Variants in ATP6V1H observed in about 807,000 individuals in gnomAD.
ATP6V1H encodes the protein V-type proton ATPase subunit H.
Under a neutral mutation model 71.7 loss-of-function variants are expected in ATP6V1H, and 39 were observed. The ratio of observed to expected loss-of-function variants is 0.54; its 90% CI spans 0.42 to 0.71. The LOEUF is 0.71. Ranked by LOEUF, ATP6V1H falls within the 30% of genes least tolerant of loss-of-function variation. ATP6V1H has a pLI of 0.00. For synonymous variants in ATP6V1H, 192 were observed against 199.3 expected (o/e 0.96, Z 0.31); for missense variants, 509 against 594.9 (o/e 0.86, Z 1.50).
chr8:53,829,414 C>T, intron 4 of ATP6V1H, 30 bp downstream of exon 4: 2 of 1,498,328 alleles, frequency 1.3e-6, no homozygotes, highest in Non-Finnish European at 1.8e-6. Flanking sequence ...AATGAAGTCA[C>T]CAAATGTGTT....
chr8:53,795,527 G>T, intron 9 of ATP6V1H, 120 bp downstream of exon 9: 2 of 877,584 alleles, frequency 2.3e-6, no homozygotes, highest in Non-Finnish European at 3.6e-6. Flanking sequence ...TATTCACCAA[G>T]ACTCTATGGT....
chr8:53,771,842 T>C, intron 10 of ATP6V1H, 147 bp downstream of exon 10: 1 of 664,984 alleles, frequency 1.5e-6, no homozygotes, highest in South Asian at 2.0e-5. Flanking sequence ...CATGTCAGAA[T>C]GATGTCTTCT....
In ATP6V1H at chr8:53,833,091, A is replaced by C. The variant is rs1335969893; in HGVS notation, c.114-5T>G. On this transcript the variant is annotated splice_region_variant and splice_polypyrimidine_tract_variant and intron_variant, in intron 2 of 13. Coordinates refer to ENST00000359530, the MANE Select transcript of ATP6V1H (RefSeq NM_015941.4). ...TCAGCAGAAATCATCTGTCCCCTAG[A>C]AAGTAAGAATAAGATGTTTTGTTCA... 2 of 1,607,264 alleles carry C rather than the reference A, an allele frequency of 1.2e-6. No individual in the cohort carries two copies. The highest frequency in any genetic ancestry group is 1.7e-6 in the Non-Finnish European group (2 of 1,174,804).
chr8:53,782,459 T>C (rs1466870581), intron 9 of ATP6V1H, among the ~76,000 whole-genome samples: 1 of 151,902 alleles, frequency 6.6e-6, no homozygotes, highest in Admixed American at 6.6e-5. Flanking sequence ...AATGGGGTTT[T>C]CTAGATATAC....
chr8:53,825,950 G>A (rs1810812449), intron 4 of ATP6V1H, among the ~76,000 whole-genome samples: 1 of 151,938 alleles, frequency 6.6e-6, no homozygotes, highest in Admixed American at 6.6e-5. Flanking sequence ...AATGTTATAA[G>A]CTAAGACAAA....
intron 12 of ATP6V1H, 90 bp downstream of exon 12, chr8:53,756,465 C>T (rs111820585): frequency 2.2e-6 from 2 of 904,384 alleles, no homozygotes; most frequent in Admixed American, 2.5e-5. Context: ...AGTTCCTTTG[C>T]TAACCTACTC....
chr8:53,730,252 T>G (rs970186382), intron 13 of ATP6V1H, among the ~76,000 whole-genome samples: 3 of 152,236 alleles, frequency 2.0e-5, no homozygotes, highest in African/African-American at 7.2e-5. Context: ...ACATGTCTCC[T>G]TATATTTAAG....
At chr8:53,762,025 A>T (rs1808288650) in intron 11 of ATP6V1H, among the ~76,000 whole-genome samples, 1 of 152,244 alleles carries the variant, frequency 6.6e-6, no homozygotes, top group Non-Finnish European at 1.5e-5. Flanking sequence ...CGGTATTTTT[A>T]GATACCAGAC....
chr8:53,761,253 C>T (rs570771021), intron 11 of ATP6V1H, among the ~76,000 whole-genome samples: 3 of 151,820 alleles, frequency 2.0e-5, no homozygotes, highest in South Asian at 2.1e-4. Context: ...AGGAGAATGG[C>T]GTGAACCCAG....
In ATP6V1H at chr8:53,742,146, T is replaced by A. The variant is rs192748011; in HGVS notation, c.1391+1431A>T. On this transcript the variant is annotated intron_variant, in intron 13 of 13. Transcript: ENST00000359530. ...TGCCTACCTCTCCTGAACCATGTTT[T>A]TCCCCTCGTACCATCCTTCATGTCA... Among the ~76,000 whole-genome samples the A allele has an allele frequency of 2.5e-3, 388 of 152,322 alleles. 1 individual carries two copies. The highest frequency in any genetic ancestry group is 4.4e-3 in the Non-Finnish European group (300 of 68,020).
At chr8:53,744,312 C>T (rs1807520409) in intron 12 of ATP6V1H, among the ~76,000 whole-genome samples, 1 of 152,106 alleles carries the variant, frequency 6.6e-6, no homozygotes, top group South Asian at 2.1e-4. Context: ...ACCGACACTG[C>T]TTTCTATCAC....
intron 13 of ATP6V1H, among the ~76,000 whole-genome samples, chr8:53,729,214 C>A (rs1273980326): frequency 6.6e-6 from 1 of 151,874 alleles, no homozygotes; most frequent in East Asian, 1.9e-4. Flanking sequence ...TTAAGTTATA[C>A]TTTTTGTCTT....
chr8:53,783,025 A>T (rs1809223262), intron 9 of ATP6V1H, among the ~76,000 whole-genome samples: 1 of 152,126 alleles, frequency 6.6e-6, no homozygotes, highest in African/African-American at 2.4e-5. Flanking sequence ...TGTCTCTGCC[A>T]GGCTTTGGTA....
At chr8:53,819,630 G>A (rs1221584767) in intron 4 of ATP6V1H, among the ~76,000 whole-genome samples, 2 of 66,188 alleles carry the variant, frequency 3.0e-5, no homozygotes, top group Non-Finnish European at 5.0e-5. Context: ...ATATACATAT[G>A]TATATACAAA....
chr8:53,825,312 C>T lies in ATP6V1H; in HGVS notation c.306+4132G>A, dbSNP rs117188267. ...TCAGCCTCCCAAGGTGCTAGGATTA[C>T]AGGCATGAGCTACTGCCAGGCCTTG... On this transcript the variant is annotated intron_variant, in intron 4 of 13. Coordinates refer to ENST00000359530, the MANE Select transcript of ATP6V1H (RefSeq NM_015941.4). Among the ~76,000 whole-genome samples, 608 of 152,144 alleles carry T rather than the reference C, an allele frequency of 4.0e-3. 4 individuals carry two copies. Among genetic ancestry groups the T allele is most frequent in the Middle Eastern group, 6.8e-3 (2 of 294 alleles).
intron 11 of ATP6V1H, among the ~76,000 whole-genome samples, chr8:53,763,257 A>C (rs988393462): frequency 6.6e-6 from 1 of 152,242 alleles, no homozygotes; most frequent in African/African-American, 2.4e-5. Context: ...CAAAGGTTTC[A>C]TAAGTTCAAT....
In ATP6V1H at chr8:53,829,499, A is replaced by G; in HGVS notation, c.251T>C (p.Ile84Thr). ...ATACTGAACGGTCTGTTCTTTGCAG[A>G]TATGAGTCATCAGATTTATAAATGT... ...AKTFINLMTH[I>T]CKEQTVQYIL... The change falls in exon 4 of 14, where the codon ATC (isoleucine) becomes ACC (threonine). Residue 84 changes from isoleucine to threonine, a missense_variant. Around this residue, in one of 2 missense-constraint regions of ATP6V1H, gnomAD observed 297 missense variants for 303.3 expected, o/e 0.98. Coordinates refer to ENST00000359530, the MANE Select transcript of ATP6V1H (RefSeq NM_015941.4). 1.3e-6 allele frequency: 2 copies of G among 1,598,092 alleles called. No homozygotes were observed. The highest frequency in any genetic ancestry group is 1.7e-6 in the Non-Finnish European group (2 of 1,174,268).
intron 13 of ATP6V1H, among the ~76,000 whole-genome samples, chr8:53,721,421 G>C (rs16919507): frequency 0.14 from 21,192 of 151,998 alleles, 2,243 homozygotes; most frequent in East Asian, 0.41. Context: ...GTATTTTTAT[G>C]TCAGCCTAGG....
intron 13 of ATP6V1H, among the ~76,000 whole-genome samples, chr8:53,724,641 G>A (rs1183836925): frequency 7.6e-6 from 1 of 131,922 alleles, no homozygotes; most frequent in Non-Finnish European, 1.6e-5. Context: ...CACGCCCCAG[G>A]GACGGCAGTG....
Sources: allele counts gnomAD v4.1 joint callset (sites outside exome capture counted in the v4.1 genomes callset), GRCh38; gene constraint gnomAD v4.1.1; regional missense constraint gnomAD v4.1.1; transcripts MANE v1.5; gene names NCBI Gene and HGNC (gene_info 2026-07-23, HGNC 2026-07-21).